The following PDE11A variants were observed in gnomAD, a reference collection of about 807,000 sequenced individuals.
PDE11A encodes the protein phosphodiesterase 11A.
In PDE11A, 100 loss-of-function variants were observed where a neutral mutation model predicts 100.5. The observed-to-expected ratio is 1.00, with a 90% confidence interval of 0.85 to 1.18. The LOEUF (loss-of-function observed/expected upper bound fraction) is 1.18. Among genes scored for constraint, PDE11A ranks in the 50% most tolerant of loss-of-function variants. PDE11A has a pLI of 0.00. For synonymous variants in PDE11A, 381 were observed against 420.8 expected (o/e 0.91, Z 1.16); for missense variants, 1,141 against 1,152.6 (o/e 0.99, Z 0.15).
At chr2:177,999,613 T>C (rs1527287) in intron 2 of PDE11A, among the ~76,000 whole-genome samples, 92,041 of 152,004 alleles carry the variant, frequency 0.61, 29,204 homozygotes, top group Admixed American at 0.72. Flanking sequence ...CTATTAAACA[T>C]TGGGTGGCAC....
intron 5 of PDE11A, among the ~76,000 whole-genome samples, chr2:177,857,756 A>G (rs2083866617): frequency 6.6e-6 from 1 of 152,076 alleles, no homozygotes; most frequent in African/African-American, 2.4e-5. Flanking sequence ...GAATGGATAA[A>G]ATAACATGAT....
At chr2:177,928,857 T>C (rs548394372) in intron 2 of PDE11A, among the ~76,000 whole-genome samples, 24 of 150,900 alleles carry the variant, frequency 1.6e-4, no homozygotes, top group Non-Finnish European at 3.0e-4. Flanking sequence ...AGAAAGACCC[T>C]GTCTCAAAAA....
intron 18 of PDE11A, among the ~76,000 whole-genome samples, chr2:177,666,755 A>G (rs1007648023): frequency 6.6e-6 from 1 of 151,322 alleles, no homozygotes; most frequent in African/African-American, 2.4e-5. Context: ...TTATCTTTCT[A>G]TTGTTCAGTT....
intron 5 of PDE11A, among the ~76,000 whole-genome samples, chr2:177,859,144 C>T (rs1489077301): frequency 2.6e-5 from 4 of 151,470 alleles, no homozygotes; most frequent in South Asian, 4.2e-4. Flanking sequence ...ATACCTAATG[C>T]TAAATGACGA....
intron 19 of PDE11A, among the ~76,000 whole-genome samples, chr2:177,638,415 A>G (rs1378368524): frequency 6.6e-6 from 1 of 152,016 alleles, no homozygotes; most frequent in East Asian, 1.9e-4. Flanking sequence ...TACCCTCTGA[A>G]ATATCTAAGT....
chr2:177,702,861 T>C (rs2081221632), intron 13 of PDE11A: 1 of 152,216 alleles, frequency 6.6e-6, no homozygotes, highest in Non-Finnish European at 1.5e-5. Flanking sequence ...GTGTTATTTC[T>C]TTAAATCTTG....
At chr2:177,913,734 T>C (rs935651237) in intron 2 of PDE11A, among the ~76,000 whole-genome samples, 3 of 152,150 alleles carry the variant, frequency 2.0e-5, no homozygotes, top group African/African-American at 4.8e-5. Context: ...ACTTCATTCA[T>C]CTTAATGTCT....
chr2:177,758,930 G>A (rs917134352), intron 10 of PDE11A, among the ~76,000 whole-genome samples: 1 of 152,124 alleles, frequency 6.6e-6, no homozygotes, highest in Non-Finnish European at 1.5e-5. Flanking sequence ...ATTATATCTC[G>A]ATATTACTTT....
At chr2:177,968,675 AG>A (rs1349225706) in intron 2 of PDE11A, among the ~76,000 whole-genome samples, 4 of 152,222 alleles carry the variant, frequency 2.6e-5, no homozygotes, top group Admixed American at 6.5e-5. Context: ...TATGAAAAAA[AG>A]CTAACCATTA....
intron 9 of PDE11A, among the ~76,000 whole-genome samples, chr2:177,785,387 G>C (rs2082517695): frequency 6.6e-6 from 1 of 152,098 alleles, no homozygotes; most frequent in Non-Finnish European, 1.5e-5. Context: ...AGCGTTTAAA[G>C]ACAATTCTGG....
In PDE11A at chr2:177,628,760, C is replaced by T. The variant is rs528335186; in HGVS notation, c.*647G>A. On this transcript the variant is annotated 3_prime_UTR_variant, in exon 20 of 20. Transcript: ENST00000286063. ...TGGAAAAGGGTACCATAGTCCCAGTCTAGAATTACCCATCAAACACATTTG... is the reference window on the plus strand; with the variant it reads ...TGGAAAAGGGTACCATAGTCCCAGTTTAGAATTACCCATCAAACACATTTG... 6.5e-6 allele frequency: 1 copy of T among 152,682 alleles called. No individual in the cohort carries two copies. Among genetic ancestry groups the T allele is most frequent in the South Asian group, 2.1e-4 (1 of 4,842 alleles). 9.5% of individuals were successfully genotyped at this position (152,682 alleles called of 1,614,324 possible).
At chr2:177,696,599 G>A (rs551886953) in intron 15 of PDE11A, among the ~76,000 whole-genome samples, 3 of 152,110 alleles carry the variant, frequency 2.0e-5, no homozygotes, top group Admixed American at 2.0e-4. Context: ...CGGTGTAAAT[G>A]GGTGTTAGGA....
intron 4 of PDE11A, among the ~76,000 whole-genome samples, chr2:177,876,695 A>G (rs1468538594): frequency 6.7e-6 from 1 of 148,370 alleles, no homozygotes; most frequent in East Asian, 1.9e-4. Flanking sequence ...TAATTTTTAA[A>G]AAGACTTACT....
chr2:177,908,001 G>A (rs10221806), intron 2 of PDE11A, among the ~76,000 whole-genome samples: 15,316 of 152,164 alleles, frequency 0.1, 956 homozygotes, highest in African/African-American at 0.18. Flanking sequence ...TTGCTAGCCT[G>A]CATGTACTGT....
chr2:177,745,573 G>T (rs2081936536), intron 10 of PDE11A, among the ~76,000 whole-genome samples: 1 of 152,176 alleles, frequency 6.6e-6, no homozygotes. Context: ...CACTCCACTG[G>T]CAGGCTTGCT....
chr2:177,889,920 C>CT (rs2084503026), intron 4 of PDE11A, among the ~76,000 whole-genome samples: 1 of 151,898 alleles, frequency 6.6e-6, no homozygotes, highest in African/African-American at 2.4e-5. Flanking sequence ...CTTCCTACTT[C>CT]TTTTTTTGGA....
At chr2:177,738,845 G>T (rs1339833815) in intron 10 of PDE11A, among the ~76,000 whole-genome samples, 1 of 152,228 alleles carries the variant, frequency 6.6e-6, no homozygotes, top group Non-Finnish European at 1.5e-5. Flanking sequence ...TTGTTCACCA[G>T]CAGGAAATGA....
intron 3 of PDE11A, among the ~76,000 whole-genome samples, chr2:177,903,120 C>A (rs578002805): frequency 6.8e-4 from 104 of 152,126 alleles, no homozygotes; most frequent in African/African-American, 2.4e-3. Context: ...TTTTCCCTTT[C>A]ACTCTTCCCC....
chr2:178,068,655 A>T (rs1271533116), intron 1 of PDE11A, among the ~76,000 whole-genome samples: 1 of 152,220 alleles, frequency 6.6e-6, no homozygotes, highest in Non-Finnish European at 1.5e-5. Context: ...AGATGCTTGC[A>T]TATATGGTAC....
Sources: gnomAD v4.1 joint callset for allele counts (sites outside exome capture counted in the v4.1 genomes callset) on GRCh38, gnomAD v4.1.1 for gene constraint, MANE v1.5 for transcripts, NCBI Gene and HGNC (gene_info 2026-07-23, HGNC 2026-07-21) for gene names.